SDK1: variants seen among roughly 807,000 people sequenced by gnomAD.
SDK1 encodes the protein protein sidekick-1.
A neutral mutation model predicts 245.5 loss-of-function variants in SDK1; 157 were observed. The observed-to-expected ratio is 0.64, with a 90% CI of 0.56 to 0.73. SDK1 has a LOEUF of 0.73. Ranked by LOEUF, SDK1 falls within the 30% of genes least tolerant of loss-of-function variation. SDK1 has a pLI of 0.00. For missense variants in SDK1, 3,583 were observed against 3,002.3 expected, an observed-to-expected ratio of 1.19 and a Z score of -4.52; for synonymous variants, 1,647 against 1,278.5, an observed-to-expected ratio of 1.29 and a Z score of -6.15.
chr7:4,059,755 A>G (rs1779416455), intron 19 of SDK1, among the ~76,000 whole-genome samples: 1 of 152,184 alleles, frequency 6.6e-6, no homozygotes, highest in South Asian at 2.1e-4. Context: ...TTAGACCACA[A>G]TGGAATAAAA....
At chr7:4,014,405 G>T (rs1030614941) in intron 16 of SDK1, among the ~76,000 whole-genome samples, 14 of 152,184 alleles carry the variant, frequency 9.2e-5, no homozygotes, top group Admixed American at 9.2e-4. Flanking sequence ...AGATGAGGGT[G>T]CAGTACCCTA....
chr7:3,953,020 C>G (rs1217465291), intron 7 of SDK1, among the ~76,000 whole-genome samples: 1 of 152,014 alleles, frequency 6.6e-6, no homozygotes, highest in Non-Finnish European at 1.5e-5. Flanking sequence ...TAAGAGGTAG[C>G]CTTAGAGGCC....
intron 4 of SDK1, among the ~76,000 whole-genome samples, chr7:3,712,609 T>G (rs1405416393): frequency 2.6e-5 from 4 of 152,192 alleles, no homozygotes; most frequent in African/African-American, 9.7e-5. Context: ...TCTACAGCAT[T>G]ATAACGATAT....
intron 4 of SDK1, among the ~76,000 whole-genome samples, chr7:3,662,685 C>G (rs1004076788): frequency 6.6e-6 from 1 of 152,190 alleles, no homozygotes; most frequent in African/African-American, 2.4e-5. Context: ...CTAAATGTGT[C>G]TCACAGATGT....
At chr7:3,742,881 A>G (rs1187978262) in intron 4 of SDK1, among the ~76,000 whole-genome samples, 2 of 152,204 alleles carry the variant, frequency 1.3e-5, no homozygotes, top group African/African-American at 2.4e-5. Flanking sequence ...AATATGTTAG[A>G]AAGGAATTTT....
chr7:3,353,301 C>A (rs574515434), intron 1 of SDK1, among the ~76,000 whole-genome samples: 1 of 152,160 alleles, frequency 6.6e-6, no homozygotes, highest in African/African-American at 2.4e-5. Flanking sequence ...GAGTATCTTT[C>A]ATCTTGGGGG....
At chr7:3,946,784 G>T (rs1467377488) in intron 5 of SDK1, among the ~76,000 whole-genome samples, 1 of 152,152 alleles carries the variant, frequency 6.6e-6, no homozygotes, top group Non-Finnish European at 1.5e-5. Context: ...TCAGAGTGAC[G>T]AGTCCACACC....
At chr7:3,405,407 C>G (rs1408657051) in intron 1 of SDK1, among the ~76,000 whole-genome samples, 1 of 151,998 alleles carries the variant, frequency 6.6e-6, no homozygotes, top group Admixed American at 6.6e-5. Context: ...TGCATGCAAA[C>G]AGGCTGTGGG....
intron 1 of SDK1, among the ~76,000 whole-genome samples, chr7:3,522,611 T>C (rs898110860): frequency 6.6e-6 from 1 of 152,112 alleles, no homozygotes; most frequent in African/African-American, 2.4e-5. Context: ...GATTGATGAT[T>C]GGGACCACCT....
intron 1 of SDK1, among the ~76,000 whole-genome samples, chr7:3,307,154 A>G (rs144293178): frequency 1.6e-4 from 24 of 152,310 alleles, no homozygotes; most frequent in African/African-American, 5.8e-4. Context: ...GAGCATTTTA[A>G]TTTGCATAGT....
intron 4 of SDK1, among the ~76,000 whole-genome samples, chr7:3,816,470 C>G (rs999676092): frequency 2.0e-5 from 3 of 150,520 alleles, no homozygotes; most frequent in Admixed American, 6.6e-5. Context: ...ACAAACACCT[C>G]TACGCAAATA....
At chr7:4,249,668 A>G (rs535140471) in intron 44 of SDK1, among the ~76,000 whole-genome samples, 3 of 152,294 alleles carry the variant, frequency 2.0e-5, no homozygotes, top group Non-Finnish European at 2.9e-5. Flanking sequence ...TGAGTGGATA[A>G]AGCGTAGCCT....
intron 22 of SDK1, among the ~76,000 whole-genome samples, chr7:4,103,554 G>A (rs1162333079): frequency 6.6e-6 from 1 of 152,234 alleles, no homozygotes; most frequent in African/African-American, 2.4e-5. Flanking sequence ...GCTAAGTGTA[G>A]TTACATTTTT....
intron 1 of SDK1, among the ~76,000 whole-genome samples, chr7:3,614,494 C>T (rs900422922): frequency 1.3e-5 from 2 of 152,182 alleles, no homozygotes; most frequent in African/African-American, 4.8e-5. Flanking sequence ...GCAACTCAAT[C>T]ATTTTCTTTA....
chr7:3,584,022 A>T (rs561663967), intron 1 of SDK1, among the ~76,000 whole-genome samples: 2 of 152,202 alleles, frequency 1.3e-5, no homozygotes, highest in African/African-American at 4.8e-5. Context: ...AGGGAACGGA[A>T]TGCCAATCTA....
At chr7:3,938,631 G>C (rs1780245418) in intron 5 of SDK1, among the ~76,000 whole-genome samples, 1 of 124,092 alleles carries the variant, frequency 8.1e-6, no homozygotes, top group South Asian at 2.2e-4. Flanking sequence ...GGGCGACAGA[G>C]TGAGACTCCG....
chr7:4,207,971 A>G, intron 36 of SDK1, 128 bp from the exon 37 acceptor site: 1 of 705,216 alleles, frequency 1.4e-6, no homozygotes, highest in South Asian at 1.8e-5. Flanking sequence ...GAGCCTTTCC[A>G]CCTTCCCACC....
intron 4 of SDK1, among the ~76,000 whole-genome samples, chr7:3,687,056 A>AACACACACACACACACACACAC (rs200034994): frequency 0.012 from 1,555 of 135,114 alleles, 51 homozygotes; most frequent in African/African-American, 0.039. Context: ...ATAGCATCAA[A>AACACACACACACACACACACAC]ACACACACAC....
At chr7:3,501,389 A>AAG (rs35729387) in intron 1 of SDK1, among the ~76,000 whole-genome samples, 29,640 of 151,346 alleles carry the variant, frequency 0.2, 3,469 homozygotes, top group South Asian at 0.3. Flanking sequence ...AAAAAAAAAA[A>AAG]CTGATCAGGA....
Sources: gnomAD v4.1 joint callset for allele counts (sites outside exome capture counted in the v4.1 genomes callset) on GRCh38, gnomAD v4.1.1 for gene constraint, MANE v1.5 for transcripts, NCBI Gene and HGNC (gene_info 2026-07-23, HGNC 2026-07-21) for gene names.